Variants in TNFRSF11B observed in about 807,000 individuals in gnomAD.
The protein encoded by TNFRSF11B is tumor necrosis factor receptor superfamily member 11B.
A neutral mutation model predicts 43.4 loss-of-function variants in TNFRSF11B; 16 were observed. The observed-to-expected ratio is 0.37, with a 90% CI of 0.25 to 0.56. TNFRSF11B has a LOEUF of 0.56. Ranked by LOEUF, TNFRSF11B falls within the 20% of genes least tolerant of loss-of-function variation. The pLI, the probability that TNFRSF11B is intolerant of heterozygous loss-of-function variation, is 0.80. For synonymous variants in TNFRSF11B, 185 were observed against 181.8 expected (o/e 1.02, Z -0.14); for missense variants, 444 against 490.1 (o/e 0.91, Z 0.89).
intron 1 of TNFRSF11B, among the ~76,000 whole-genome samples, chr8:118,950,533 C>G (rs997006849): frequency 6.6e-6 from 1 of 152,134 alleles, no homozygotes; most frequent in Non-Finnish European, 1.5e-5. Flanking sequence ...CTTGAGGTGC[C>G]GATAATATAT....
At chr8:118,939,896 T>C (rs960327244) in intron 1 of TNFRSF11B, among the ~76,000 whole-genome samples, 16 of 152,048 alleles carry the variant, frequency 1.1e-4, no homozygotes, top group African/African-American at 3.4e-4. Flanking sequence ...TTATAAATAT[T>C]TGGTGAGCTA....
chr8:118,928,597 G>A (rs1171729004), intron 3 of TNFRSF11B, 141 bp downstream of exon 3: 14 of 896,022 alleles, frequency 1.6e-5, no homozygotes, highest in South Asian at 2.9e-5. Context: ...GTAATGCATC[G>A]AGAGTAGCCT....
chr8:118,948,174 G>C (rs1812593564), intron 1 of TNFRSF11B, among the ~76,000 whole-genome samples: 1 of 152,048 alleles, frequency 6.6e-6, no homozygotes, highest in African/African-American at 2.4e-5. Flanking sequence ...TGGCATCTCT[G>C]CTCCATTGTA....
In TNFRSF11B at chr8:118,949,020, C is replaced by CT; in HGVS notation, c.30+2771dup. 2.0e-5 allele frequency among the ~76,000 whole-genome samples: 3 copies of CT among 152,276 alleles called. No individual in the cohort carries two copies. In the Middle Eastern group the frequency reaches 0.01, roughly 518 times the overall value. ...AGTTCAATGGATGGTTCCGATACTA[C>CT]TTGATGGGAAGTTTCAGCCATCAGT... On this transcript the variant is annotated intron_variant, in intron 1 of 4. Coordinates refer to ENST00000297350, the MANE Select transcript of TNFRSF11B (RefSeq NM_002546.4).
At chr8:118,951,470 A>G (rs1320969643) in intron 1 of TNFRSF11B, among the ~76,000 whole-genome samples, 4 of 152,214 alleles carry the variant, frequency 2.6e-5, no homozygotes, top group African/African-American at 9.6e-5. Flanking sequence ...GAGGGCGTTA[A>G]TATTCTGAGA....
rs747461694 is a variant in TNFRSF11B, at chr8:118,933,197, G to A, written c.134C>T (p.Pro45Leu). 1.9e-6 allele frequency: 3 copies of A among 1,614,150 alleles called. No individual in the cohort carries two copies. The highest frequency in any genetic ancestry group is 2.5e-6 in the Non-Finnish European group (3 of 1,180,034). Residue 45 changes from proline to leucine, a missense_variant, in exon 2 of 5, where the codon CCT (proline) becomes CTT (leucine). Pro to Leu is a moderately conservative substitution (Grantham distance 98). Transcript: ENST00000297350. ...TSHQLLCDKC[P>L]PGTYLKQHCT... Reference sequence around the variant, plus strand: ...GTGTTGTTTTAGGTAGGTACCAGGAGGACATTTGTCACACAACAGCTGATG... The same window carrying A: ...GTGTTGTTTTAGGTAGGTACCAGGAAGACATTTGTCACACAACAGCTGATG...
At chr8:118,932,667 A>C (rs1427449564) in intron 2 of TNFRSF11B, among the ~76,000 whole-genome samples, 1 of 151,948 alleles carries the variant, frequency 6.6e-6, no homozygotes, top group Admixed American at 6.6e-5. Flanking sequence ...TCTTTAAAAA[A>C]AAAAAAAAAC....
intron 2 of TNFRSF11B, 137 bp downstream of exon 2, chr8:118,932,794 G>T: frequency 9.0e-7 from 1 of 1,105,304 alleles, no homozygotes; most frequent in Non-Finnish European, 1.3e-6. Context: ...CAGACACATA[G>T]TACCTACCTG....
In TNFRSF11B at chr8:118,926,727, A is replaced by C. The variant is rs1812250814; in HGVS notation, c.593-9T>G. The C allele has an allele frequency of 1.2e-6, 2 of 1,610,442 alleles. No homozygotes were observed. The highest frequency in any genetic ancestry group is 1.7e-6 in the Non-Finnish European group (2 of 1,177,734). Reference sequence around the variant, plus strand: ...CTCACACAGGGTAACATCTAAAGAAAGGTTAGAAAACCCAGAAGATTTACT... The same window carrying C: ...CTCACACAGGGTAACATCTAAAGAACGGTTAGAAAACCCAGAAGATTTACT... On this transcript the variant is annotated splice_polypyrimidine_tract_variant and intron_variant, in intron 3 of 4. Transcript: ENST00000297350.
At chr8:118,934,658 A>G (rs1156902441) in intron 1 of TNFRSF11B, among the ~76,000 whole-genome samples, 1 of 152,192 alleles carries the variant, frequency 6.6e-6, no homozygotes, top group African/African-American at 2.4e-5. Flanking sequence ...ACACGCTCAG[A>G]AGAAACTGTG....
At chr8:118,939,636 C>T (rs1026477605) in intron 1 of TNFRSF11B, among the ~76,000 whole-genome samples, 1 of 152,076 alleles carries the variant, frequency 6.6e-6, no homozygotes, top group African/African-American at 2.4e-5. Context: ...GCAGGAAGAG[C>T]CAATAACTAT....
chr8:118,939,851 A>G (rs1458362638), intron 1 of TNFRSF11B, among the ~76,000 whole-genome samples: 1 of 152,236 alleles, frequency 6.6e-6, no homozygotes, highest in Non-Finnish European at 1.5e-5. Context: ...AATTGTGTAC[A>G]AGCCAAAAAG....
intron 1 of TNFRSF11B, among the ~76,000 whole-genome samples, chr8:118,937,140 TA>T (rs1328065115): frequency 1.3e-5 from 2 of 152,236 alleles, no homozygotes; most frequent in Non-Finnish European, 1.5e-5. Context: ...ATTTTAAGCA[TA>T]AGCATCTTTT....
At chr8:118,924,964 T>C (rs1283299172) in intron 4 of TNFRSF11B, among the ~76,000 whole-genome samples, 1 of 152,212 alleles carries the variant, frequency 6.6e-6, no homozygotes, top group African/African-American at 2.4e-5. Context: ...TAAGATAATA[T>C]GCTATATATT....
intron 1 of TNFRSF11B, among the ~76,000 whole-genome samples, chr8:118,948,746 G>A (rs1345788977): frequency 6.6e-6 from 1 of 151,122 alleles, no homozygotes; most frequent in African/African-American, 2.4e-5. Flanking sequence ...AAACTTCAGA[G>A]TATTCATTCT....
chr8:118,924,539 G>A lies in TNFRSF11B; in HGVS notation c.1041C>T (p.His347=), dbSNP rs766402871. The change falls in exon 5 of 5, where the codon CAC becomes CAT. Residue 347 remains histidine, a synonymous_variant. Coordinates refer to ENST00000297350, the MANE Select transcript of TNFRSF11B (RefSeq NM_002546.4). ...GDQDTLKGLM[H]ALKHSKTYHF... Reference sequence around the variant, plus strand: ...GGTACGTCTTTGAGTGCTTTAGTGCGTGCATTAGGCCCTTCAAGGTGTCTT... The same window carrying A: ...GGTACGTCTTTGAGTGCTTTAGTGCATGCATTAGGCCCTTCAAGGTGTCTT... 8.1e-6 allele frequency: 13 copies of A among 1,614,014 alleles called. No homozygotes were observed. Among genetic ancestry groups the A allele is most frequent in the Admixed American group, 6.7e-5 (4 of 59,990 alleles).
At chr8:118,925,812 G>A (rs11573932) in intron 4 of TNFRSF11B, among the ~76,000 whole-genome samples, 1,808 of 152,270 alleles carry the variant, frequency 0.012, 19 homozygotes, top group Middle Eastern at 0.034. Flanking sequence ...CACACTGGAT[G>A]AAACTCCTTT....
Position 118,928,846 on chromosome 8 carries a change from T to G in TNFRSF11B, c.484A>C (p.Lys162Gln). The change falls in exon 3 of 5, where the codon AAA (lysine) becomes CAA (glutamine). Residue 162 changes from lysine (K) to glutamine (Q), a missense_variant. Lys to Gln is a moderately conservative substitution (Grantham distance 53). Coordinates refer to ENST00000297350, the MANE Select transcript of TNFRSF11B (RefSeq NM_002546.4). Reference sequence around the variant, plus strand: ...CCAAAGACACTGCAATTTGTGTGTTTTCTACAGGGTGCTTTAGATGACGTC... The same window carrying G: ...CCAAAGACACTGCAATTTGTGTGTTGTCTACAGGGTGCTTTAGATGACGTC... ...NETSSKAPCR[K>Q]HTNCSVFGLL... The G allele has an allele frequency of 6.2e-7, 1 of 1,614,232 alleles. No homozygotes were observed. The highest frequency in any genetic ancestry group is 8.5e-7 in the Non-Finnish European group (1 of 1,180,038).
chr8:118,928,632 G>C, intron 3 of TNFRSF11B, 106 bp downstream of exon 3: 2 of 1,268,014 alleles, frequency 1.6e-6, no homozygotes, highest in Non-Finnish European at 2.3e-6. Context: ...TCAAGAAAGG[G>C]AAAATGTAAG....
Sources: allele counts gnomAD v4.1 joint callset (sites outside exome capture counted in the v4.1 genomes callset), GRCh38; gene constraint gnomAD v4.1.1; transcripts MANE v1.5; gene names NCBI Gene and HGNC (gene_info 2026-07-23, HGNC 2026-07-21).